STK3: variants seen among roughly 807,000 people sequenced by gnomAD.
STK3 encodes serine/threonine kinase 3.
STK3 carries 41 observed loss-of-function variants against 58.0 expected under a neutral mutation model. That is an observed-to-expected ratio of 0.71 (90% CI 0.55 to 0.92). STK3 has a LOEUF of 0.92. Ranked by LOEUF, STK3 falls within the 40% of genes least tolerant of loss-of-function variation. STK3 has a pLI of 0.00. For synonymous variants in STK3, 170 were observed against 191.0 expected (o/e 0.89, Z 0.91); for missense variants, 479 against 602.7 (o/e 0.79, Z 2.15).
intron 6 of STK3, among the ~76,000 whole-genome samples, chr8:98,610,397 T>C (rs1001282752): frequency 1.3e-5 from 2 of 152,214 alleles, no homozygotes; most frequent in Non-Finnish European, 2.9e-5. Flanking sequence ...GATCAGAATA[T>C]TATATGCAAT....
In STK3 at chr8:98,621,934, A is replaced by G. The variant is rs186398499; in HGVS notation, c.685-25765T>C. Among the ~76,000 whole-genome samples the G allele has an allele frequency of 1.4e-3, 210 of 152,104 alleles. 1 individual carries two copies. Among genetic ancestry groups the G allele is most frequent in the African/African-American group, 4.9e-3 (205 of 41,494 alleles). ...AGTAAAATATATCTGTGGCTGAGAA[A>G]AAAAGACCGTCAAATGAAAAATTCT... On this transcript the variant is annotated intron_variant, in intron 6 of 10. Transcript: ENST00000419617.
intron 6 of STK3, among the ~76,000 whole-genome samples, chr8:98,620,536 C>G (rs941014219): frequency 6.9e-6 from 1 of 144,312 alleles, no homozygotes; most frequent in African/African-American, 2.5e-5. Context: ...GAAGATGTCT[C>G]AAGGGAAATT....
intron 10 of STK3, among the ~76,000 whole-genome samples, chr8:98,516,283 C>A (rs767095256): frequency 5.3e-5 from 8 of 151,864 alleles, no homozygotes; most frequent in Non-Finnish European, 1.0e-4. Flanking sequence ...GTGAGAGTAA[C>A]TGATATACAA....
chr8:98,579,077 G>A (rs1487764700), intron 8 of STK3, among the ~76,000 whole-genome samples: 2 of 152,090 alleles, frequency 1.3e-5, no homozygotes, highest in Admixed American at 1.3e-4. Flanking sequence ...CTTGAACCCG[G>A]GAGGTGGAGG....
At chr8:98,355,354 AT>A in the STK3 span, among the ~76,000 whole-genome samples, 1 of 152,208 alleles carries the variant, frequency 6.6e-6, no homozygotes, top group African/African-American at 2.4e-5. Flanking sequence ...GTGGCAGAAA[AT>A]GGCTTTGCCC....
intron 6 of STK3, among the ~76,000 whole-genome samples, chr8:98,660,131 T>G (rs374397021): frequency 1.7e-3 from 254 of 152,140 alleles, no homozygotes; most frequent in African/African-American, 5.8e-3. Context: ...AGATGAAGCT[T>G]AAGGACATTA....
At chr8:98,870,435 T>A (rs531239719) in intron 3 of STK3, among the ~76,000 whole-genome samples, 29 of 152,372 alleles carry the variant, frequency 1.9e-4, no homozygotes, top group Non-Finnish European at 3.1e-4. Context: ...TCCACAATGG[T>A]TGAACTAGTT....
At chr8:98,637,055 AT>A (rs199727972) in intron 6 of STK3, among the ~76,000 whole-genome samples, 3,885 of 140,014 alleles carry the variant, frequency 0.028, 74 homozygotes, top group African/African-American at 0.066. Flanking sequence ...CATTTGTAAG[AT>A]TTTTTTTTTT....
intron 9 of STK3, among the ~76,000 whole-genome samples, chr8:98,536,759 T>C (rs1395028685): frequency 1.3e-5 from 2 of 152,242 alleles, no homozygotes; most frequent in Non-Finnish European, 2.9e-5. Context: ...TTTGGGTTTA[T>C]TGGTACATAC....
chr8:98,825,986 C>A (rs1835276929), upstream of STK3, among the ~76,000 whole-genome samples: 1 of 150,166 alleles, frequency 6.7e-6, no homozygotes, highest in Non-Finnish European at 1.5e-5. Context: ...GGGCCGGTGC[C>A]GCGGCGGGTG....
intron 6 of STK3, among the ~76,000 whole-genome samples, chr8:98,683,584 A>G (rs1369028019): frequency 6.6e-6 from 1 of 152,146 alleles, no homozygotes; most frequent in African/African-American, 2.4e-5. Flanking sequence ...TATCAAAATA[A>G]CTATGATAAT....
chr8:98,767,324 A>T lies in STK3; in HGVS notation c.155T>A (p.Val52Asp). Residue 52 changes from valine to aspartate, a missense_variant, in exon 3 of 11, where the codon GTT (valine) becomes GAT (aspartate). Val to Asp is a radical substitution (Grantham distance 152, BLOSUM62 -3). Transcript: ENST00000419617. ...FKAIHKESGQ[V>D]VAIKQVPVES... ...AACAGGTACTTGTTTAATTGCGACAACTTGACCGGATTCCTTGTGTATTGC... is the reference window on the plus strand; with the variant it reads ...AACAGGTACTTGTTTAATTGCGACATCTTGACCGGATTCCTTGTGTATTGC... 1 of 1,611,364 alleles carries T rather than the reference A, an allele frequency of 6.2e-7. No homozygotes were observed. The highest frequency in any genetic ancestry group is 8.5e-7 in the Non-Finnish European group (1 of 1,179,420).
chr8:98,774,592 T>C (rs891439476), intron 2 of STK3, 147 bp downstream of exon 2: 16 of 508,986 alleles, frequency 3.1e-5, no homozygotes, highest in Admixed American at 4.1e-5. Context: ...AACTAATCTT[T>C]AAAATTCAGT....
At chr8:98,711,156 A>T (rs1826394478) in intron 4 of STK3, among the ~76,000 whole-genome samples, 1 of 152,194 alleles carries the variant, frequency 6.6e-6, no homozygotes, top group South Asian at 2.1e-4. Context: ...ATCAAAGACC[A>T]AAGGTAGATA....
intron 6 of STK3, among the ~76,000 whole-genome samples, chr8:98,682,790 T>C (rs949135898): frequency 6.6e-6 from 1 of 152,100 alleles, no homozygotes; most frequent in Admixed American, 6.6e-5. Flanking sequence ...GAGACACCAT[T>C]TCCTCCAAAA....
At chr8:98,604,696 AG>A (rs1409325272) in intron 6 of STK3, among the ~76,000 whole-genome samples, 1 of 152,216 alleles carries the variant, frequency 6.6e-6, no homozygotes, top group East Asian at 1.9e-4. Context: ...AAATGGCTGC[AG>A]CTGGCTTTTG....
At chr8:98,413,858 T>A in intron 3 of STK3, 1 of 534,496 alleles carries the variant, frequency 1.9e-6, no homozygotes, top group East Asian at 4.0e-5. Context: ...CCAGTAATGG[T>A]GTGTCAAGAG....
intron 3 of STK3, among the ~76,000 whole-genome samples, chr8:98,764,476 G>A (rs1455119265): frequency 6.6e-6 from 1 of 152,114 alleles, no homozygotes; most frequent in Non-Finnish European, 1.5e-5. Flanking sequence ...CATTTCAGAA[G>A]GAAAATCTAC....
chr8:98,533,700 G>A (rs966218524), intron 9 of STK3, among the ~76,000 whole-genome samples: 2 of 152,112 alleles, frequency 1.3e-5, no homozygotes, highest in African/African-American at 4.8e-5. Flanking sequence ...ATGTTGCCCA[G>A]GCTGGTTTCA....
Sources: allele counts gnomAD v4.1 joint callset (sites outside exome capture counted in the v4.1 genomes callset), GRCh38; gene constraint gnomAD v4.1.1; transcripts MANE v1.5; gene names NCBI Gene and HGNC (gene_info 2026-07-23, HGNC 2026-07-21).